The following GABBR2 variants were observed in gnomAD, a reference collection of about 807,000 sequenced individuals.
The protein encoded by GABBR2 is G-protein coupled receptor 51.
GABBR2 carries 23 observed loss-of-function variants against 105.6 expected under a neutral mutation model. That is an observed-to-expected ratio of 0.22 (90% CI 0.16 to 0.31). The LOEUF (loss-of-function observed/expected upper bound fraction) is 0.31. Ranked by LOEUF, GABBR2 falls within the 10% of genes least tolerant of loss-of-function variation. The pLI is 1.00. For synonymous variants in GABBR2, 478 were observed against 499.7 expected, an observed-to-expected ratio of 0.96 and a Z score of 0.58; for missense variants, 734 against 1,245.5, an observed-to-expected ratio of 0.59 and a Z score of 6.18.
chr9:98,633,928 C>A (rs1829847445), intron 1 of GABBR2, among the ~76,000 whole-genome samples: 1 of 152,192 alleles, frequency 6.6e-6, no homozygotes, highest in South Asian at 2.1e-4. Context: ...ATGGCCTCAG[C>A]ATGAACATGG....
chr9:98,303,079 T>C (rs1401813132), intron 16 of GABBR2, among the ~76,000 whole-genome samples, 162 bp downstream of exon 16: 1 of 152,112 alleles, frequency 6.6e-6, no homozygotes, highest in Non-Finnish European at 1.5e-5. Context: ...AATGCCTCTG[T>C]GTGGTTTATG....
chr9:98,554,034 T>C (rs749017001), intron 2 of GABBR2, among the ~76,000 whole-genome samples: 3 of 152,176 alleles, frequency 2.0e-5, no homozygotes, highest in Non-Finnish European at 2.9e-5. Flanking sequence ...TTCAGAGAGG[T>C]GACTTACTCA....
At chr9:98,318,378 A>G (rs1279358776) in intron 13 of GABBR2, among the ~76,000 whole-genome samples, 1 of 152,118 alleles carries the variant, frequency 6.6e-6, no homozygotes, top group Admixed American at 6.5e-5. Context: ...TCTCTTTGTC[A>G]CCCGCACACC....
chr9:98,677,095 C>G (rs957941535), intron 1 of GABBR2, among the ~76,000 whole-genome samples: 1 of 152,218 alleles, frequency 6.6e-6, no homozygotes, highest in African/African-American at 2.4e-5. Context: ...AGTGGTAGCA[C>G]TAAAGATGAA....
chr9:98,670,026 G>A (rs1277135096), intron 1 of GABBR2, among the ~76,000 whole-genome samples: 1 of 152,188 alleles, frequency 6.6e-6, no homozygotes, highest in Non-Finnish European at 1.5e-5. Context: ...CAAGCCACGT[G>A]TGCAGTCTCC....
At chr9:98,501,537 C>A (rs1827400567) in intron 3 of GABBR2, among the ~76,000 whole-genome samples, 1 of 152,158 alleles carries the variant, frequency 6.6e-6, no homozygotes, top group Non-Finnish European at 1.5e-5. Flanking sequence ...CCATCTCAGA[C>A]CACACCTTGA....
chr9:98,673,895 G>C (rs914668), intron 1 of GABBR2, among the ~76,000 whole-genome samples: 140,843 of 152,236 alleles, frequency 0.93, 65,305 homozygotes, highest in Middle Eastern at 0.97. Flanking sequence ...CTGTTGAGGA[G>C]GAGATAAATG....
chr9:98,560,332 G>A (rs938642230), intron 2 of GABBR2, among the ~76,000 whole-genome samples: 2 of 151,904 alleles, frequency 1.3e-5, no homozygotes, highest in African/African-American at 4.8e-5. Context: ...TCACTGTCCA[G>A]CCAAGGAGGA....
At chr9:98,324,414 A>G (rs1830881672) in intron 13 of GABBR2, among the ~76,000 whole-genome samples, 1 of 151,946 alleles carries the variant, frequency 6.6e-6, no homozygotes, top group South Asian at 2.1e-4. Context: ...TTCTCCTCTG[A>G]GAAATGCTGG....
chr9:98,586,094 T>C (rs1829071135), intron 1 of GABBR2, among the ~76,000 whole-genome samples: 1 of 152,094 alleles, frequency 6.6e-6, no homozygotes, highest in Non-Finnish European at 1.5e-5. Context: ...CTGTGAAATA[T>C]TTCACTCACA....
At chr9:98,542,108 T>C (rs1828314980) in intron 2 of GABBR2, 65 bp from the exon 3 acceptor site, 1 of 1,384,730 alleles carries the variant, frequency 7.2e-7, no homozygotes, top group South Asian at 1.3e-5. Flanking sequence ...CCAGCATCTT[T>C]CCTACTGGAA....
intron 1 of GABBR2, chr9:98,607,045 C>A: frequency 7.3e-7 from 1 of 1,363,156 alleles, no homozygotes; most frequent in Non-Finnish European, 1.0e-6. Flanking sequence ...GCCAATCTCC[C>A]AAACCAAGTA....
At chr9:98,328,117 C>G (rs1348999147) in intron 13 of GABBR2, among the ~76,000 whole-genome samples, 2 of 151,506 alleles carry the variant, frequency 1.3e-5, no homozygotes, top group Non-Finnish European at 2.9e-5. Context: ...TTAAGGTCCT[C>G]CCAGGACCTG....
chr9:98,491,340 C>A (rs1425751362), intron 4 of GABBR2, among the ~76,000 whole-genome samples: 1 of 152,174 alleles, frequency 6.6e-6, no homozygotes, highest in Non-Finnish European at 1.5e-5. Flanking sequence ...CTTTGTTTAT[C>A]TGATGTAAAT....
intron 1 of GABBR2, among the ~76,000 whole-genome samples, chr9:98,623,863 T>C (rs1244338318): frequency 6.6e-6 from 1 of 152,194 alleles, no homozygotes; most frequent in Admixed American, 6.5e-5. Flanking sequence ...GGTTCTGCCA[T>C]GAGAACATGG....
In GABBR2 at chr9:98,708,848, G is replaced by T; in HGVS notation, c.-111C>A. The T allele has an allele frequency of 3.3e-6, 2 of 597,958 alleles. No homozygotes were observed. The highest frequency in any genetic ancestry group is 4.2e-6 in the Non-Finnish European group (2 of 476,808). 37.0% of individuals were successfully genotyped at this position (597,958 alleles called of 1,614,324 possible). A position where few individuals can be genotyped will look rare whatever the true frequency, so the allele number is the denominator to read the frequency against. ...CGCCCGCGCAATGGCGCCGGCCCGGGCCCCGGCTCCGTCTCGGGCTAGGGT... is the reference window on the plus strand; with the variant it reads ...CGCCCGCGCAATGGCGCCGGCCCGGTCCCCGGCTCCGTCTCGGGCTAGGGT... On this transcript the variant is annotated 5_prime_UTR_variant, in exon 1 of 19. Transcript: ENST00000259455.
chr9:98,318,825 A>G (rs1830766951), intron 13 of GABBR2, among the ~76,000 whole-genome samples: 1 of 151,910 alleles, frequency 6.6e-6, no homozygotes, highest in African/African-American at 2.4e-5. Flanking sequence ...TGATTTTTAA[A>G]GTATATGGTA....
intron 1 of GABBR2, among the ~76,000 whole-genome samples, chr9:98,681,595 T>A (rs12555248): frequency 0.026 from 3,968 of 151,856 alleles, 159 homozygotes; most frequent in African/African-American, 0.091. Context: ...AAAAAAAATT[T>A]AAAAAGATAT....
intron 3 of GABBR2, among the ~76,000 whole-genome samples, chr9:98,510,412 A>T (rs1050569302): frequency 6.6e-6 from 1 of 152,222 alleles, no homozygotes; most frequent in Non-Finnish European, 1.5e-5. Flanking sequence ...TCAAATTCAC[A>T]CATAACAATA....
Sources: allele counts gnomAD v4.1 joint callset (sites outside exome capture counted in the v4.1 genomes callset), GRCh38; gene constraint gnomAD v4.1.1; transcripts MANE v1.5; gene names NCBI Gene and HGNC (gene_info 2026-07-23, HGNC 2026-07-21).